Variants in CNOT10 observed in about 807,000 individuals in gnomAD.
CNOT10 encodes the protein CCR4-NOT transcription complex subunit 10, also known as CCR4-NOT transcription complex, subunit 10.
In CNOT10, 30 loss-of-function variants were observed where a neutral mutation model predicts 94.6. The ratio of observed to expected loss-of-function variants is 0.32; its 90% CI spans 0.24 to 0.43. The LOEUF is 0.43. Among genes scored for constraint, CNOT10 ranks in the 20% least tolerant of loss-of-function variants. The pLI is 1.00. For synonymous variants in CNOT10, 289 were observed against 301.6 expected, an observed-to-expected ratio of 0.96 and a Z score of 0.43; for missense variants, 759 against 877.2, an observed-to-expected ratio of 0.87 and a Z score of 1.70.
intron 4 of CNOT10, 119 bp downstream of exon 4, chr3:32,708,939 G>T (rs1159609798): frequency 2.7e-6 from 2 of 742,216 alleles, no homozygotes; most frequent in Non-Finnish European, 2.1e-6. Flanking sequence ...AAGAAAAGCC[G>T]TATCAGCTTT....
At chr3:32,705,010 T>C in intron 3 of CNOT10, 38 bp downstream of exon 3, 1 of 1,334,738 alleles carries the variant, frequency 7.5e-7, no homozygotes, top group Non-Finnish European at 1.0e-6. Flanking sequence ...AAAATATTGT[T>C]CTGTTCTTTA....
At chr3:32,735,005 C>T in intron 12 of CNOT10, 29 bp downstream of exon 12, 1 of 1,577,606 alleles carries the variant, frequency 6.3e-7, no homozygotes, top group African/African-American at 1.3e-5. Flanking sequence ...CCTCCTTTGG[C>T]AAAATCCTTT....
rs140289173 is a variant in CNOT10 at position 32,703,579 on chromosome 3, A to G, written c.23-289A>G. The stretch of plus-strand genomic sequence containing the variant: ...TATTGATCTGATAACCAAGATGGCT[A>G]CTGTGTGTCCAAGGGGGAGGTATCT... On this transcript the variant is annotated intron_variant, in intron 1 of 18. Transcript: ENST00000328834. 5.1e-4 allele frequency among the ~76,000 whole-genome samples: 78 copies of G among 152,304 alleles called. No individual in the cohort carries two copies. In the East Asian group the frequency reaches 0.012, roughly 24 times the overall value.
intron 13 of CNOT10, among the ~76,000 whole-genome samples, chr3:32,754,871 G>A (rs959385443): frequency 2.0e-5 from 3 of 148,792 alleles, no homozygotes; most frequent in Non-Finnish European, 3.0e-5. Context: ...TGCCTGTGGG[G>A]TAGCCCTGTT....
intron 15 of CNOT10, among the ~76,000 whole-genome samples, chr3:32,763,731 G>A (rs1432448906): frequency 6.6e-6 from 1 of 152,140 alleles, no homozygotes; most frequent in Non-Finnish European, 1.5e-5. Context: ...AGATGGTGGT[G>A]GGTGGTAGCA....
chr3:32,773,359 A>T, intron 18 of CNOT10, 98 bp from the exon 19 acceptor site: 1 of 1,248,248 alleles, frequency 8.0e-7, no homozygotes, highest in Non-Finnish European at 1.1e-6. Flanking sequence ...CAGCTCTTCT[A>T]GATCATCTTT....
intron 1 of CNOT10, chr3:32,695,425 A>G: frequency 1.5e-6 from 1 of 655,638 alleles, no homozygotes; most frequent in Non-Finnish European, 2.3e-6. Context: ...TTTCTTTGGA[A>G]AAGTTTTCTT....
intron 10 of CNOT10, among the ~76,000 whole-genome samples, chr3:32,733,098 C>T (rs780973474): frequency 3.3e-5 from 5 of 151,998 alleles, no homozygotes; most frequent in Non-Finnish European, 4.4e-5. Flanking sequence ...TGTCAAAGTA[C>T]CTGTAACATG....
At chr3:32,739,884 C>T (rs142707605) in intron 13 of CNOT10, among the ~76,000 whole-genome samples, 31 of 151,866 alleles carry the variant, frequency 2.0e-4, no homozygotes, top group Non-Finnish European at 3.1e-4. Flanking sequence ...AAGACCGCGC[C>T]GTTGCACTCC....
intron 17 of CNOT10, chr3:32,765,064 G>C: frequency 8.1e-7 from 1 of 1,240,270 alleles, no homozygotes. Flanking sequence ...AGTGGCTCAT[G>C]CCTCCCAGCA....
At position 32,734,881 on chromosome 3, in the gene CNOT10, T is replaced by C. The variant is rs775944345; in HGVS notation, c.1419T>C (p.Pro473=). The C allele has an allele frequency of 1.3e-4, 210 of 1,613,904 alleles. 1 individual carries two copies. The highest frequency in any genetic ancestry group is 1.7e-4 in the Non-Finnish European group (198 of 1,179,896). The change falls in exon 12 of 19, where the codon CCT becomes CCC. Residue 473 remains proline (P), a synonymous_variant. Coordinates refer to ENST00000328834, the MANE Select transcript of CNOT10 (RefSeq NM_015442.3). ...ICLRNALLLL[P]EEQQDPKQEN... is the part of the protein sequence containing the mutation. ...TCAGAAATGCCTTGTTGCTGCTACC[T>C]GAAGAACAGCAAGATCCAAAGCAGG...
At chr3:32,694,043 C>T (rs1016037704) in intron 1 of CNOT10, among the ~76,000 whole-genome samples, 1 of 151,136 alleles carries the variant, frequency 6.6e-6, no homozygotes, top group African/African-American at 2.4e-5. Flanking sequence ...TGTTAAAATA[C>T]AAAAATTTTG....
At chr3:32,708,289 T>G (rs564600368) in intron 3 of CNOT10, among the ~76,000 whole-genome samples, 1 of 152,320 alleles carries the variant, frequency 6.6e-6, no homozygotes, top group South Asian at 2.1e-4. Context: ...AAAGGTCATT[T>G]TGAGTTTGTT....
chr3:32,773,405 G>A, intron 18 of CNOT10, 52 bp from the exon 19 acceptor site: 3 of 1,540,490 alleles, frequency 1.9e-6, no homozygotes, highest in Non-Finnish European at 2.6e-6. Flanking sequence ...CTTGCTTTGT[G>A]TGTGGCAGTA....
chr3:32,724,213 A>G (rs112561120), intron 8 of CNOT10, among the ~76,000 whole-genome samples: 3,233 of 151,368 alleles, frequency 0.021, 47 homozygotes, highest in East Asian at 0.046. Flanking sequence ...GTGGAGACTT[A>G]CAGTTTAATA....
intron 17 of CNOT10, 117 bp from the exon 18 acceptor site, chr3:32,769,770 G>A (rs1700815208): frequency 1.3e-6 from 1 of 760,920 alleles, no homozygotes; most frequent in African/African-American, 1.7e-5. Flanking sequence ...TAGTCCCTAG[G>A]AAGTCACGTG....
At chr3:32,710,299 T>A (rs1697826035) in intron 4 of CNOT10, among the ~76,000 whole-genome samples, 1 of 151,424 alleles carries the variant, frequency 6.6e-6, no homozygotes, top group Non-Finnish European at 1.5e-5. Context: ...AAACTTTTAC[T>A]GCTTGGATTT....
chr3:32,756,748 A>G (rs1195496186), intron 13 of CNOT10, among the ~76,000 whole-genome samples: 1 of 152,200 alleles, frequency 6.6e-6, no homozygotes, highest in Non-Finnish European at 1.5e-5. Context: ...GTAGGAAACC[A>G]CAGATGTGTG....
intron 10 of CNOT10, among the ~76,000 whole-genome samples, chr3:32,728,917 A>C (rs1043230539): frequency 1.3e-5 from 2 of 152,220 alleles, no homozygotes; most frequent in African/African-American, 4.8e-5. Context: ...TGGCTAACAC[A>C]GTGAAACCCC....
Sources: allele counts gnomAD v4.1 joint callset (sites outside exome capture counted in the v4.1 genomes callset), GRCh38; gene constraint gnomAD v4.1.1; transcripts MANE v1.5; gene names NCBI Gene and HGNC (gene_info 2026-07-23, HGNC 2026-07-21).